Variants in RNF17 observed in about 807,000 individuals in gnomAD.
RNF17 encodes ring finger protein 17.
In RNF17, 31 loss-of-function variants were observed where a neutral mutation model predicts 200.5. The ratio of observed to expected loss-of-function variants is 0.15; its 90% CI spans 0.12 to 0.21. RNF17 has a LOEUF of 0.21. Ranked by LOEUF, RNF17 falls within the 10% of genes least tolerant of loss-of-function variation. The probability of loss-of-function intolerance (pLI) is 1.00; values close to 1 mark genes in which losing one functional copy is unlikely to be tolerated. For missense variants in RNF17, 1,628 were observed against 1,905.1 expected (o/e 0.85, Z 2.71); for synonymous variants, 606 against 637.8 (o/e 0.95, Z 0.75).
intron 28 of RNF17, among the ~76,000 whole-genome samples, chr13:24,863,288 G>A (rs1433305564): frequency 6.6e-6 from 1 of 152,186 alleles, no homozygotes; most frequent in Non-Finnish European, 1.5e-5. Context: ...TAGGAATTTA[G>A]AGATGGTGAG....
intron 25 of RNF17, 125 bp from the exon 26 acceptor site, chr13:24,858,876 A>AT: frequency 1.6e-6 from 1 of 612,658 alleles, no homozygotes; most frequent in Non-Finnish European, 2.8e-6. Context: ...ACACACACAG[A>AT]TTTTTACAAA....
chr13:24,837,124 G>A (rs978558883), intron 18 of RNF17, among the ~76,000 whole-genome samples: 1 of 152,156 alleles, frequency 6.6e-6, no homozygotes, highest in Non-Finnish European at 1.5e-5. Flanking sequence ...TTAAAAGAGA[G>A]AGAGAGGAAC....
At chr13:24,861,245 A>G (rs1450279679) in intron 26 of RNF17, 23 bp from the exon 27 acceptor site, 2 of 1,549,928 alleles carry the variant, frequency 1.3e-6, no homozygotes, top group Non-Finnish European at 1.8e-6. Flanking sequence ...TTTTAACTAT[A>G]AATTGTATTT....
intron 8 of RNF17, 123 bp from the exon 9 acceptor site, chr13:24,789,575 T>C: frequency 1.1e-6 from 1 of 915,580 alleles, no homozygotes. Context: ...TAATTTGTGC[T>C]AACTTAGAAA....
intron 15 of RNF17, among the ~76,000 whole-genome samples, chr13:24,814,155 G>A (rs376414046): frequency 6.6e-6 from 1 of 152,112 alleles, no homozygotes; most frequent in East Asian, 1.9e-4. Flanking sequence ...AACTGAACGT[G>A]GATCATTATA....
intron 33 of RNF17, among the ~76,000 whole-genome samples, chr13:24,875,932 C>T (rs1894810214): frequency 6.6e-6 from 1 of 152,226 alleles, no homozygotes; most frequent in African/African-American, 2.4e-5. Flanking sequence ...GAGTCCTTCA[C>T]CACCACAGTG....
rs1052608508 is a variant in RNF17 at position 24,853,965 on chromosome 13, A to G, written c.3431A>G (p.Asp1144Gly). Residue 1144 changes from aspartate (D) to glycine (G), a missense_variant, in exon 25 of 36, where the codon GAC (aspartate) becomes GGC (glycine). Asp to Gly is a moderately conservative substitution (Grantham distance 94). This residue lies in a region of RNF17 where 609 missense variants were observed against 681.9 expected (regional missense o/e 0.89). Transcript: ENST00000255324. ...TNCIKTNFDPDKKTADIISEQ... is the reference protein window; with the variant it reads ...TNCIKTNFDPGKKTADIISEQ... ...TGTATTAAAACTAACTTTGACCCTG[A>G]CAAGAAAACTGCTGACATAATCAGT... 9.9e-6 allele frequency: 16 copies of G among 1,614,168 alleles called. No individual in the cohort carries two copies. Among genetic ancestry groups the G allele is most frequent in the Non-Finnish European group, 1.4e-5 (16 of 1,180,010 alleles).
chr13:24,812,053 G>T (rs1381959488), intron 15 of RNF17, among the ~76,000 whole-genome samples: 1 of 151,704 alleles, frequency 6.6e-6, no homozygotes, highest in African/African-American at 2.4e-5. Flanking sequence ...AAAGCTGTCA[G>T]ACAGGGACGT....
At chr13:24,825,298 T>G (rs1221353816) in intron 15 of RNF17, among the ~76,000 whole-genome samples, 2 of 150,588 alleles carry the variant, frequency 1.3e-5, no homozygotes. Flanking sequence ...GATAGAAAAA[T>G]GTAAGTGATT....
rs1891049331 is a variant in RNF17 at position 24,844,670 on chromosome 13, A to T, written c.2850A>T (p.Ile950=). 1.3e-6 allele frequency: 2 copies of T among 1,599,432 alleles called. No individual in the cohort carries two copies. Among genetic ancestry groups the T allele is most frequent in the African/African-American group, 2.7e-5 (2 of 74,558 alleles). Residue 950 remains isoleucine (I), a synonymous_variant, in exon 21 of 36, where the codon ATA becomes ATT. Transcript: ENST00000255324. ...TCTATAGTTTAGAAGAAAAGATGAT[A>T]GCTGCTTATGAAAACTCAAAATGGG... is the stretch of plus-strand genomic sequence containing the variant. ...NLLNSLEEKM[I]AAYENSKWEP...
intron 15 of RNF17, among the ~76,000 whole-genome samples, chr13:24,823,219 G>A (rs943851844): frequency 6.6e-6 from 1 of 151,926 alleles, no homozygotes; most frequent in Non-Finnish European, 1.5e-5. Flanking sequence ...GATTACAGGC[G>A]CCTGCCACCA....
intron 30 of RNF17, among the ~76,000 whole-genome samples, chr13:24,866,656 G>A (rs1167814849): frequency 6.6e-6 from 1 of 152,182 alleles, no homozygotes; most frequent in East Asian, 1.9e-4. Context: ...GATGTATTTT[G>A]TTTACCCATT....
Position 24,804,449 on chromosome 13 carries a change from T to G in RNF17, c.2091+20T>G, listed in dbSNP as rs750319834. The G allele has an allele frequency of 7.6e-5, 119 of 1,562,454 alleles. No individual in the cohort carries two copies. Among genetic ancestry groups the G allele is most frequent in the Non-Finnish European group, 9.9e-5 (115 of 1,156,232 alleles). On this transcript the variant is annotated intron_variant, in intron 15 of 35. Transcript: ENST00000255324. ...CAGTTGGTAAGTATATAATGTGTTTTTGAAATGAAGTTTTTAAAAAAATTT... is the reference window on the plus strand; with the variant it reads ...CAGTTGGTAAGTATATAATGTGTTTGTGAAATGAAGTTTTTAAAAAAATTT...
intron 18 of RNF17, among the ~76,000 whole-genome samples, chr13:24,838,065 C>T (rs60060747): frequency 6.6e-6 from 1 of 152,086 alleles, no homozygotes; most frequent in Non-Finnish European, 1.5e-5. Context: ...ATGAACACTT[C>T]TATGCACATA....
At position 24,861,445 on chromosome 13, in the gene RNF17, T is replaced by C. The variant is rs537221979; in HGVS notation, c.3894+58T>C. On this transcript the variant is annotated intron_variant, in intron 27 of 35. Transcript: ENST00000255324. ...TTTAAATATTAGTTTTTATTAATAA[T>C]TTTTTAGAAATATTTAGAATGTAAA... 6 of 1,175,020 alleles carry C rather than the reference T, an allele frequency of 5.1e-6. No individual in the cohort carries two copies. In the South Asian group the frequency reaches 1.1e-4, roughly 22 times the overall value. 72.8% of individuals were successfully genotyped at this position (1,175,020 alleles called of 1,614,324 possible). A position where few individuals can be genotyped will look rare whatever the true frequency, so the allele number is the denominator to read the frequency against.
upstream of RNF17, among the ~76,000 whole-genome samples, chr13:24,762,446 A>AG (rs964134581): frequency 2.0e-5 from 3 of 152,024 alleles, no homozygotes; most frequent in Admixed American, 6.5e-5. Flanking sequence ...TGAGGGGAAT[A>AG]GGGAATAATA....
chr13:24,864,470 T>C (rs773572916), intron 28 of RNF17, among the ~76,000 whole-genome samples: 3 of 152,200 alleles, frequency 2.0e-5, no homozygotes, highest in African/African-American at 4.8e-5. Context: ...GATTCCTGCT[T>C]TTAGACTGTT....
chr13:24,764,557 A>G (rs945850053), intron 1 of RNF17, among the ~76,000 whole-genome samples: 1 of 152,198 alleles, frequency 6.6e-6, no homozygotes, highest in Non-Finnish European at 1.5e-5. Flanking sequence ...CCAATTACCC[A>G]TCCAGGCCTC....
At chr13:24,866,004 A>G (rs930822300) in intron 29 of RNF17, 140 bp from the exon 30 acceptor site, 11 of 604,556 alleles carry the variant, frequency 1.8e-5, no homozygotes, top group Admixed American at 6.7e-5. Context: ...TCAGAACATT[A>G]GATTTTCCTG....
Sources: allele counts gnomAD v4.1 joint callset (sites outside exome capture counted in the v4.1 genomes callset), GRCh38; gene constraint gnomAD v4.1.1; regional missense constraint gnomAD v4.1.1; transcripts MANE v1.5; gene names NCBI Gene and HGNC (gene_info 2026-07-23, HGNC 2026-07-21).